The following PCLO variants were observed in gnomAD, a reference collection of about 807,000 sequenced individuals.
The protein encoded by PCLO is piccolo presynaptic cytomatrix protein, also known as protein piccolo.
In PCLO, 82 loss-of-function variants were observed where a neutral mutation model predicts 427.5. The observed-to-expected ratio is 0.19, with a 90% CI of 0.16 to 0.23. The LOEUF (loss-of-function observed/expected upper bound fraction) is 0.23, where lower values mean the gene tolerates loss of function less well. Ranked by LOEUF, PCLO falls within the 10% of genes least tolerant of loss-of-function variation. PCLO has a pLI of 1.00. For missense variants in PCLO, 6,239 were observed against 6,115.9 expected (o/e 1.02, Z -0.67); for synonymous variants, 2,357 against 2,155.4 (o/e 1.09, Z -2.59).
At chr7:82,962,551 T>C (rs1795676831) in intron 4 of PCLO, among the ~76,000 whole-genome samples, 1 of 152,064 alleles carries the variant, frequency 6.6e-6, no homozygotes, top group African/African-American at 2.4e-5. Flanking sequence ...ACTCAGTTCA[T>C]AATATTCCCT....
intron 9 of PCLO, among the ~76,000 whole-genome samples, chr7:82,895,954 C>T (rs1417774533): frequency 6.6e-6 from 1 of 151,816 alleles, no homozygotes; most frequent in Non-Finnish European, 1.5e-5. Context: ...CCAACACATT[C>T]TACATGGTCA....
intron 3 of PCLO, among the ~76,000 whole-genome samples, chr7:83,018,880 T>A (rs999387367): frequency 1.3e-5 from 2 of 152,032 alleles, no homozygotes; most frequent in Admixed American, 1.3e-4. Flanking sequence ...TTTTACACAT[T>A]ACCTTCTTTT....
intron 10 of PCLO, among the ~76,000 whole-genome samples, chr7:82,879,071 C>T (rs934961685): frequency 1.3e-5 from 2 of 151,982 alleles, no homozygotes; most frequent in African/African-American, 4.8e-5. Flanking sequence ...AATAAAATTG[C>T]CCCAGTCAGT....
At chr7:82,892,334 C>T (rs1244659663) in intron 9 of PCLO, among the ~76,000 whole-genome samples, 1 of 152,060 alleles carries the variant, frequency 6.6e-6, no homozygotes, top group Non-Finnish European at 1.5e-5. Flanking sequence ...GGAAAGGATT[C>T]CCTATTTAAT....
At chr7:82,785,163 A>G (rs971881656) in intron 22 of PCLO, among the ~76,000 whole-genome samples, 1 of 152,094 alleles carries the variant, frequency 6.6e-6, no homozygotes, top group Non-Finnish European at 1.5e-5. Context: ...GTGGAAGACA[A>G]TTATTCCATG....
intron 7 of PCLO, among the ~76,000 whole-genome samples, chr7:82,910,211 T>A (rs747858461): frequency 6.6e-6 from 1 of 152,096 alleles, no homozygotes; most frequent in Non-Finnish European, 1.5e-5. Flanking sequence ...GCTTCTAGAA[T>A]GCCATACAAT....
chr7:83,074,789 G>A (rs1336441770), intron 3 of PCLO, among the ~76,000 whole-genome samples: 1 of 152,102 alleles, frequency 6.6e-6, no homozygotes, highest in Admixed American at 6.5e-5. Flanking sequence ...AATACTGCAT[G>A]AAGCACATAC....
At chr7:82,922,142 T>G (rs946951192) in intron 6 of PCLO, among the ~76,000 whole-genome samples, 1 of 151,930 alleles carries the variant, frequency 6.6e-6, no homozygotes, top group Non-Finnish European at 1.5e-5. Context: ...CTGGTGGAAG[T>G]GTAAATTAGT....
intron 22 of PCLO, among the ~76,000 whole-genome samples, chr7:82,779,746 CTT>C (rs397976054): frequency 1.5e-5 from 2 of 134,370 alleles, no homozygotes; most frequent in Non-Finnish European, 3.2e-5. Context: ...TTCTTTCTTT[CTT>C]TTTTTTTTTT....
intron 21 of PCLO, among the ~76,000 whole-genome samples, chr7:82,805,331 ATATATG>A (rs1423963825): frequency 6.6e-6 from 1 of 152,212 alleles, no homozygotes; most frequent in Non-Finnish European, 1.5e-5. Flanking sequence ...AGGTAAATTA[ATATATG>A]TTTGTCTCAA....
chr7:82,947,429 T>C lies in PCLO; in HGVS notation c.11112+2047A>G, dbSNP rs1194961220. 1.3e-5 allele frequency among the ~76,000 whole-genome samples: 2 copies of C among 152,208 alleles called. 1 individual carries two copies. The highest frequency in any genetic ancestry group is 2.9e-5 in the Non-Finnish European group (2 of 68,036). On this transcript the variant is annotated intron_variant, in intron 6 of 24. Transcript: ENST00000333891. Reference sequence around the variant, plus strand: ...AAAATTATTTTTTTAGTATAGTTAATACTTAGTAATTCACACTCATAATTA... The same window carrying C: ...AAAATTATTTTTTTAGTATAGTTAACACTTAGTAATTCACACTCATAATTA...
At chr7:83,118,353 C>T (rs139687194) in intron 3 of PCLO, among the ~76,000 whole-genome samples, 185 of 152,218 alleles carry the variant, frequency 1.2e-3, no homozygotes, top group African/African-American at 4.2e-3. Flanking sequence ...AACTACTATA[C>T]GTACAAGAAA....
chr7:82,787,284 T>A (rs866111596), intron 22 of PCLO, among the ~76,000 whole-genome samples: 55 of 152,258 alleles, frequency 3.6e-4, no homozygotes, highest in South Asian at 1.0e-3. Context: ...CCATTCTAAC[T>A]GGCATGAGAT....
Position 83,162,428 on chromosome 7 carries a change from C to T in PCLO, c.165G>A (p.Gln55=). 5 of 1,596,978 alleles carry T rather than the reference C, an allele frequency of 3.1e-6. No homozygotes were observed. Among genetic ancestry groups the T allele is most frequent in the Non-Finnish European group, 4.3e-6 (5 of 1,171,752 alleles). ...GCGCCCTTGACATGACAGCGGCGAT[C>T]TGTCTCCTCTCCTCTTCGCTCAGCT... ...LSQLSEEERR[Q]IAAVMSRAQG... The change falls in exon 1 of 25, where the codon CAG becomes CAA. Residue 55 remains glutamine, a synonymous_variant. Coordinates refer to ENST00000333891, the MANE Select transcript of PCLO (RefSeq NM_033026.6).
intron 6 of PCLO, among the ~76,000 whole-genome samples, chr7:82,930,580 T>C (rs1246593854): frequency 6.6e-6 from 1 of 152,152 alleles, no homozygotes. Context: ...TCTACAAAAG[T>C]AGAAACTAAT....
intron 22 of PCLO, among the ~76,000 whole-genome samples, chr7:82,784,381 A>T (rs1790939080): frequency 6.6e-6 from 1 of 151,844 alleles, no homozygotes; most frequent in Admixed American, 6.6e-5. Flanking sequence ...TCTCTCCCTC[A>T]TTTTCTTCAG....
At chr7:83,030,856 GGAGTAAAGA>G in intron 3 of PCLO, among the ~76,000 whole-genome samples, 1 of 152,012 alleles carries the variant, frequency 6.6e-6, no homozygotes, top group Non-Finnish European at 1.5e-5. Context: ...CTGAGAATTG[GGAGTAAAGA>G]CCTTTATGCA....
intron 20 of PCLO, among the ~76,000 whole-genome samples, chr7:82,812,772 A>G (rs769547121): frequency 1.6e-4 from 25 of 151,602 alleles, no homozygotes; most frequent in Non-Finnish European, 1.9e-4. Flanking sequence ...TTTGAGCTAC[A>G]TCAAATTTTC....
At chr7:82,991,359 CTAAA>C (rs571743634) in intron 3 of PCLO, among the ~76,000 whole-genome samples, 33 of 151,832 alleles carry the variant, frequency 2.2e-4, no homozygotes, top group African/African-American at 7.2e-4. Context: ...GACTCCGTCT[CTAAA>C]TAAATAAATA....
Sources: allele counts gnomAD v4.1 joint callset (sites outside exome capture counted in the v4.1 genomes callset), GRCh38; gene constraint gnomAD v4.1.1; transcripts MANE v1.5; gene names NCBI Gene and HGNC (gene_info 2026-07-23, HGNC 2026-07-21).